The following BRINP3 variants were observed in gnomAD, a reference collection of about 807,000 sequenced individuals.
The protein encoded by BRINP3 is BMP/retinoic acid-inducible neural-specific protein 3.
A neutral mutation model predicts 71.0 loss-of-function variants in BRINP3; 19 were observed. The observed-to-expected ratio is 0.27, with a 90% CI of 0.19 to 0.39. The LOEUF (loss-of-function observed/expected upper bound fraction) is 0.39, where lower values mean the gene tolerates loss of function less well. Among genes scored for constraint, BRINP3 ranks in the 10% least tolerant of loss-of-function variants. BRINP3 has a pLI of 1.00. For missense variants in BRINP3, 959 were observed against 940.8 expected (o/e 1.02, Z -0.25); for synonymous variants, 380 against 337.7 (o/e 1.13, Z -1.37).
At chr1:190,253,603 C>T (rs1042240846) in intron 4 of BRINP3, among the ~76,000 whole-genome samples, 2 of 151,990 alleles carry the variant, frequency 1.3e-5, no homozygotes, top group Non-Finnish European at 2.9e-5. Context: ...ATATCCTTGG[C>T]CGAGTTTTTG....
intron 2 of BRINP3, among the ~76,000 whole-genome samples, chr1:190,341,982 C>A (rs1462108531): frequency 6.7e-6 from 1 of 149,208 alleles, no homozygotes; most frequent in East Asian, 2.0e-4. Flanking sequence ...TGAGTTCTTC[C>A]TGGACACTAT....
At chr1:190,352,849 CT>C (rs1182542150) in intron 2 of BRINP3, among the ~76,000 whole-genome samples, 2 of 150,320 alleles carry the variant, frequency 1.3e-5, no homozygotes, top group African/African-American at 2.4e-5. Flanking sequence ...TTCTCTCTCT[CT>C]CTCTCTCTCT....
intron 7 of BRINP3, among the ~76,000 whole-genome samples, chr1:190,144,999 T>C (rs553667438): frequency 6.6e-6 from 1 of 152,208 alleles, no homozygotes; most frequent in Admixed American, 6.5e-5. Context: ...GACAACCACA[T>C]AGATACCTAA....
At chr1:190,421,375 G>C (rs1015979062) in intron 2 of BRINP3, among the ~76,000 whole-genome samples, 2 of 149,888 alleles carry the variant, frequency 1.3e-5, no homozygotes, top group Non-Finnish European at 3.0e-5. Context: ...GGGTAACTCT[G>C]GGTTTTGGCA....
chr1:190,410,804 A>G (rs1028190337), intron 2 of BRINP3, among the ~76,000 whole-genome samples: 7 of 152,126 alleles, frequency 4.6e-5, no homozygotes, highest in Non-Finnish European at 1.0e-4. Flanking sequence ...AAATATGCTG[A>G]TGACTCTAAC....
chr1:190,137,786 TA>T (rs1655098637), intron 7 of BRINP3, among the ~76,000 whole-genome samples: 1 of 152,102 alleles, frequency 6.6e-6, no homozygotes, highest in Non-Finnish European at 1.5e-5. Context: ...AAGAGGAAAC[TA>T]AAAGAGAATA....
chr1:190,358,461 G>C (rs1668892900), intron 2 of BRINP3, among the ~76,000 whole-genome samples: 1 of 152,194 alleles, frequency 6.6e-6, no homozygotes. Flanking sequence ...ACCACAATGA[G>C]ATAACATCTC....
At position 190,476,656 on chromosome 1, in the gene BRINP3, A is replaced by G. The variant is rs1361937580; in HGVS notation, c.-51+792T>C. On this transcript the variant is annotated intron_variant, in intron 1 of 7. Coordinates refer to ENST00000367462, the MANE Select transcript of BRINP3 (RefSeq NM_199051.3). The stretch of plus-strand genomic sequence containing the variant: ...TGAGGCAATTAAATTTTTCATGTAA[A>G]GTCTATTCTTGAATTTCAATTTATC... Among the ~76,000 whole-genome samples the G allele has an allele frequency of 2.0e-5, 3 of 152,126 alleles. No homozygotes were observed. The East Asian group carries it at 5.8e-4, about 29-fold the overall frequency.
chr1:190,121,981 G>A (rs1571759644), intron 7 of BRINP3, among the ~76,000 whole-genome samples: 1 of 152,178 alleles, frequency 6.6e-6, no homozygotes, highest in East Asian at 1.9e-4. Flanking sequence ...AATAAGTGGA[G>A]GAGGATAATA....
intron 2 of BRINP3, among the ~76,000 whole-genome samples, chr1:190,451,919 A>G (rs1345212804): frequency 6.6e-6 from 1 of 152,166 alleles, no homozygotes; most frequent in African/African-American, 2.4e-5. Flanking sequence ...TAATTATATT[A>G]ACAGGTTTGA....
At chr1:190,328,721 GA>G (rs201118005) in intron 2 of BRINP3, among the ~76,000 whole-genome samples, 10,829 of 87,912 alleles carry the variant, frequency 0.12, 583 homozygotes, top group African/African-American at 0.25. Flanking sequence ...AGACAATGAA[GA>G]AAAAAAAAAA....
At chr1:190,181,826 T>C (rs576023840) in intron 6 of BRINP3, among the ~76,000 whole-genome samples, 1 of 152,132 alleles carries the variant, frequency 6.6e-6, no homozygotes, top group Admixed American at 6.6e-5. Flanking sequence ...TATTTACCCA[T>C]TTTTGTTTTT....
chr1:190,147,837 A>G (rs1656023948), intron 7 of BRINP3, among the ~76,000 whole-genome samples: 1 of 152,176 alleles, frequency 6.6e-6, no homozygotes, highest in Non-Finnish European at 1.5e-5. Context: ...TGAGAAGCCA[A>G]TCTGTGGTCC....
rs1463425698 is a variant in BRINP3, at chr1:190,098,816, C to A, written c.1503G>T (p.Leu501=). The A allele has an allele frequency of 1.2e-5, 20 of 1,614,224 alleles. No homozygotes were observed. The highest frequency in any genetic ancestry group is 1.7e-5 in the Non-Finnish European group (20 of 1,180,048). ...CTTCTATTCGTCTGTCCGTTTTCTGCAGCAGATATTTCATCTCGAGATCTT... is the reference window on the plus strand; with the variant it reads ...CTTCTATTCGTCTGTCCGTTTTCTGAAGCAGATATTTCATCTCGAGATCTT... ...DLQDLEMKYL[L]QKTDRRIEVH... The change falls in exon 8 of 8, where the codon CTG becomes CTT. Residue 501 remains leucine, a synonymous_variant. Transcript: ENST00000367462.
intron 6 of BRINP3, among the ~76,000 whole-genome samples, chr1:190,175,025 G>T (rs187634802): frequency 6.6e-6 from 1 of 152,092 alleles, no homozygotes; most frequent in African/African-American, 2.4e-5. Flanking sequence ...AGTCATAAAA[G>T]ATATAAATGA....
At chr1:190,167,702 G>A (rs1651678650) in intron 6 of BRINP3, among the ~76,000 whole-genome samples, 1 of 152,128 alleles carries the variant, frequency 6.6e-6, no homozygotes, top group Admixed American at 6.6e-5. Context: ...CGGAACTGAA[G>A]GGTAGATATG....
At chr1:190,412,469 T>G (rs867805935) in intron 2 of BRINP3, among the ~76,000 whole-genome samples, 2 of 134,118 alleles carry the variant, frequency 1.5e-5, no homozygotes, top group Middle Eastern at 3.8e-3. Context: ...TTTTTTTGTT[T>G]TTTTTTTTTT....
intron 2 of BRINP3, among the ~76,000 whole-genome samples, chr1:190,419,305 A>T (rs1673207747): frequency 6.6e-6 from 1 of 152,104 alleles, no homozygotes; most frequent in East Asian, 1.9e-4. Context: ...TTAAGAGTTA[A>T]GAAATCAGTA....
intron 2 of BRINP3, among the ~76,000 whole-genome samples, chr1:190,301,204 C>CAT (rs369121473): frequency 0.019 from 1,985 of 106,198 alleles, 41 homozygotes; most frequent in African/African-American, 0.05. Context: ...TATACACATA[C>CAT]ATATATATAT....
Sources: gnomAD v4.1 joint callset for allele counts (sites outside exome capture counted in the v4.1 genomes callset) on GRCh38, gnomAD v4.1.1 for gene constraint, MANE v1.5 for transcripts, NCBI Gene and HGNC (gene_info 2026-07-23, HGNC 2026-07-21) for gene names.